The following GEN1 variants were observed in gnomAD, a reference collection of about 807,000 sequenced individuals.
GEN1 encodes the protein GEN1 structure-specific endonuclease, also known as flap endonuclease GEN homolog 1.
Under a neutral mutation model 67.6 loss-of-function variants are expected in GEN1, and 64 were observed. The observed-to-expected ratio is 0.95, with a 90% CI of 0.77 to 1.17. The LOEUF is 1.17. Ranked by LOEUF, GEN1 falls within the 50% of genes most tolerant of loss-of-function variation. GEN1 has a pLI of 0.00. For synonymous variants in GEN1, 371 were observed against 359.4 expected (o/e 1.03, Z -0.37); for missense variants, 1,058 against 1,048.3 (o/e 1.01, Z -0.13).
At position 17,781,495 on chromosome 2, in the gene GEN1, A is replaced by G. The variant is rs113795529; in HGVS notation, c.2283A>G (p.Thr761=). The G allele has an allele frequency of 2.5e-5, 40 of 1,613,674 alleles. 1 individual carries two copies. In the African/African-American group the frequency reaches 4.1e-4, roughly 17 times the overall value. The stretch of plus-strand genomic sequence containing the variant: ...CTGTCCCTTATTCTGTCAGTAACAC[A>G]GTGGTAAAGACCTGCAATGTTAGAC... ...NTSVPYSVSN[T]VVKTCNVRPP... Residue 761 remains threonine (T), a synonymous_variant, in exon 14 of 14, where the codon ACA becomes ACG. Transcript: ENST00000381254.
At chr2:17,764,262 T>C (rs1399373391) in intron 3 of GEN1, among the ~76,000 whole-genome samples, 1 of 152,086 alleles carries the variant, frequency 6.6e-6, no homozygotes, top group Non-Finnish European at 1.5e-5. Context: ...GAGAAAAAAA[T>C]GCAAACATTA....
At chr2:17,778,151 T>TAC (rs751265954) in intron 12 of GEN1, 88 bp downstream of exon 12, 161 of 504,684 alleles carry the variant, frequency 3.2e-4, no homozygotes, top group Admixed American at 1.6e-3. Context: ...TATATATATA[T>TAC]ATACACACAC....
upstream of GEN1, chr2:17,753,509 C>T (rs967377896): frequency 6.6e-6 from 1 of 152,372 alleles, no homozygotes; most frequent in Non-Finnish European, 1.5e-5. Flanking sequence ...ATGAACACCG[C>T]CGCAGCTCAG....
At chr2:17,776,465 T>G (rs1190738728) in intron 11 of GEN1, among the ~76,000 whole-genome samples, 4 of 152,090 alleles carry the variant, frequency 2.6e-5, no homozygotes, top group African/African-American at 9.7e-5. Context: ...TATTTAGGGG[T>G]GATGTGCCAT....
intron 12 of GEN1, 121 bp downstream of exon 12, chr2:17,778,184 A>ACACACACACACATATGTGTATATATATG (rs1558408526): frequency 2.7e-6 from 1 of 365,922 alleles, no homozygotes; most frequent in African/African-American, 3.0e-5. Flanking sequence ...GTATATATAT[A>ACACACACACACATATGTGTATATATATG]TATACACACA....
Position 17,754,162 on chromosome 2 carries a change from G to GCTC in GEN1, c.-196_-194dup, listed in dbSNP as rs1671273289. On this transcript the variant is annotated 5_prime_UTR_variant, in exon 1 of 14. Coordinates refer to ENST00000381254, the MANE Select transcript of GEN1 (RefSeq NM_001130009.3). ...CGCTGGATTCGAAACGCTTCCTGGTGCTCCTGGGCCTGGCGGTTGAGCCCG... is the reference window on the plus strand; with the variant it reads ...CGCTGGATTCGAAACGCTTCCTGGTGCTCCTCCTGGGCCTGGCGGTTGAGCCCG... 1 of 152,292 alleles carries GCTC rather than the reference G, an allele frequency of 6.6e-6. No individual in the cohort carries two copies. The highest frequency in any genetic ancestry group is 2.1e-4 in the South Asian group (1 of 4,824). 9.4% of individuals were successfully genotyped at this position (152,292 alleles called of 1,614,324 possible). A position where few individuals can be genotyped will look rare whatever the true frequency, so the allele number is the denominator to read the frequency against.
Position 17,778,010 on chromosome 2 carries a change from A to G in GEN1, c.1211A>G (p.Lys404Arg), listed in dbSNP as rs1270164749. 6.3e-7 allele frequency: 1 copy of G among 1,586,422 alleles called. No homozygotes were observed. The highest frequency in any genetic ancestry group is 8.6e-7 in the Non-Finnish European group (1 of 1,156,920). Residue 404 changes from lysine (K) to arginine (R), a missense_variant, in exon 12 of 14, where the codon AAG (lysine) becomes AGG (arginine). Physicochemically the swap from Lys to Arg is conservative, Grantham distance 26. Transcript: ENST00000381254. ...ATGAATTTGTTTTTCAGAATTGTTA[A>G]GACTCGAATCAGAAATGGAGTTCAT... Reference protein sequence around the residue: ...SNQLQPIRIVKTRIRNGVHCF... With the variant: ...SNQLQPIRIVRTRIRNGVHCF...
At chr2:17,761,777 A>G (rs1371432756) in intron 3 of GEN1, among the ~76,000 whole-genome samples, 195 bp downstream of exon 3, 4 of 152,042 alleles carry the variant, frequency 2.6e-5, no homozygotes, top group African/African-American at 4.8e-5. Context: ...ACTCTGAGAC[A>G]CTGAGCAAAA....
chr2:17,785,466 C>T lies in GEN1; in HGVS notation c.*3527C>T, dbSNP rs374390485. ...AAATACTCTGCCAAAGATCTGCCTCCAGCTGCTAGGATCCTGTAATTGGTT... is the reference window on the plus strand; with the variant it reads ...AAATACTCTGCCAAAGATCTGCCTCTAGCTGCTAGGATCCTGTAATTGGTT... On this transcript the variant is annotated 3_prime_UTR_variant, in exon 14 of 14. Transcript: ENST00000381254. The T allele has an allele frequency of 1.0e-4, 16 of 152,498 alleles. No individual in the cohort carries two copies. In the East Asian group the frequency reaches 3.1e-3, roughly 29 times the overall value. 9.4% of individuals were successfully genotyped at this position (152,498 alleles called of 1,614,324 possible).
At chr2:17,769,017 G>A (rs1030029615) in intron 6 of GEN1, among the ~76,000 whole-genome samples, 3 of 151,788 alleles carry the variant, frequency 2.0e-5, no homozygotes, top group African/African-American at 7.3e-5. Flanking sequence ...AAGCCGTATT[G>A]CATTTTTTTT....
chr2:17,780,160 A>G, intron 13 of GEN1, 39 bp downstream of exon 13: 1 of 1,541,878 alleles, frequency 6.5e-7, no homozygotes, highest in African/African-American at 1.4e-5. Context: ...GCCACATGCA[A>G]ATGTTATAGA....
At chr2:17,755,510 T>G (rs1671385205) in intron 1 of GEN1, 1 of 152,176 alleles carries the variant, frequency 6.6e-6, no homozygotes, top group African/African-American at 2.4e-5. Flanking sequence ...CATATGAAAA[T>G]AAAATTGAAA....
At chr2:17,758,606 T>C (rs1204340484) in intron 1 of GEN1, among the ~76,000 whole-genome samples, 3 of 152,210 alleles carry the variant, frequency 2.0e-5, no homozygotes, top group Non-Finnish European at 4.4e-5. Context: ...CCAAATACTT[T>C]CTTTACCTTT....
At chr2:17,767,152 G>A (rs541796357) in intron 5 of GEN1, among the ~76,000 whole-genome samples, 76 of 152,242 alleles carry the variant, frequency 5.0e-4, no homozygotes, top group Admixed American at 2.5e-3. Context: ...GCCTCTCAGC[G>A]TTGTGCTGGG....
rs1190270390 is a variant in GEN1 at position 17,778,290 on chromosome 2, A to ATG, written c.1264+235_1264+236dup. Among the ~76,000 whole-genome samples the ATG allele has an allele frequency of 1.9e-3, 89 of 46,294 alleles. 7 individuals carry two copies. The highest frequency in any genetic ancestry group is 4.0e-3 in the African/African-American group (74 of 18,470). 30.4% of individuals were successfully genotyped at this position (46,294 alleles called of 152,430 possible). The stretch of plus-strand genomic sequence containing the variant: ...TGTACATATATGTATATACACACAC[A>ATG]TGTGTGTGTACATATATGTATATAC... On this transcript the variant is annotated intron_variant, in intron 12 of 13. Coordinates refer to ENST00000381254, the MANE Select transcript of GEN1 (RefSeq NM_001130009.3).
At chr2:17,775,705 A>C (rs1031704239) in intron 11 of GEN1, among the ~76,000 whole-genome samples, 3 of 152,228 alleles carry the variant, frequency 2.0e-5, no homozygotes, top group African/African-American at 7.2e-5. Context: ...GTATCTTCAA[A>C]AGTGGAGAAA....
At chr2:17,769,794 G>A (rs966574451) in intron 6 of GEN1, among the ~76,000 whole-genome samples, 7 of 151,556 alleles carry the variant, frequency 4.6e-5, no homozygotes, top group African/African-American at 1.5e-4. Flanking sequence ...TGAAAGCAAT[G>A]TTTTATAAAA....
rs569616891 is a variant in GEN1 at position 17,780,700 on chromosome 2, A to G, written c.1488A>G (p.Thr496=). The G allele has an allele frequency of 5.6e-6, 9 of 1,613,888 alleles. No homozygotes were observed. Among genetic ancestry groups the G allele is most frequent in the South Asian group, 1.1e-5 (1 of 91,058 alleles). ...AGTCACACATGACTTTAAAACCCAC[A>G]TGTGAAATCTTTCATAAGCAGAATT... ...SFQSHMTLKP[T]CEIFHKQNSK... The change falls in exon 14 of 14, where the codon ACA becomes ACG. Residue 496 remains threonine, a synonymous_variant. Coordinates refer to ENST00000381254, the MANE Select transcript of GEN1 (RefSeq NM_001130009.3).
In GEN1 at chr2:17,778,322, ACGTGTACATATATGTATACACACACATG is replaced by A. The variant is rs1329760411; in HGVS notation, c.1264+260_1264+287del. Among the ~76,000 whole-genome samples the A allele has an allele frequency of 2.9e-3, 55 of 19,116 alleles. 12 individuals carry two copies. The highest frequency in any genetic ancestry group is 6.9e-3 in the African/African-American group (43 of 6,232). 12.5% of individuals were successfully genotyped at this position (19,116 alleles called of 152,430 possible). A position where few individuals can be genotyped will look rare whatever the true frequency, so the allele number is the denominator to read the frequency against. On this transcript the variant is annotated intron_variant, in intron 12 of 13. Transcript: ENST00000381254. ...TGTACATATATGTATATACACACAC[ACGTGTACATATATGTATACACACACATG>A]TGTGTACATATATGTATATACACAC...
Sources: gnomAD v4.1 joint callset for allele counts (sites outside exome capture counted in the v4.1 genomes callset) on GRCh38, gnomAD v4.1.1 for gene constraint, MANE v1.5 for transcripts, NCBI Gene and HGNC (gene_info 2026-07-23, HGNC 2026-07-21) for gene names.